NCKAP1: variants seen among roughly 807,000 people sequenced by gnomAD.
NCKAP1 encodes the protein nck-associated protein 1.
In NCKAP1, 21 loss-of-function variants were observed where a neutral mutation model predicts 151.2. That is an observed-to-expected ratio of 0.14 (90% confidence interval 0.10 to 0.20). The LOEUF is 0.20. Ranked by LOEUF, NCKAP1 falls within the 10% of genes least tolerant of loss-of-function variation. The probability of loss-of-function intolerance (pLI) is 1.00; values close to 1 mark genes in which losing one functional copy is unlikely to be tolerated. For synonymous variants in NCKAP1, 484 were observed against 451.8 expected, an observed-to-expected ratio of 1.07 and a Z score of -0.90; for missense variants, 933 against 1,352.1, an observed-to-expected ratio of 0.69 and a Z score of 4.86.
intron 9 of NCKAP1, 73 bp from the exon 10 acceptor site, chr2:182,986,300 A>G (rs964009202): frequency 5.8e-6 from 7 of 1,202,494 alleles, no homozygotes; most frequent in Non-Finnish European, 8.4e-6. Context: ...GTCTAATACT[A>G]GAAGTCAATT....
intron 8 of NCKAP1, among the ~76,000 whole-genome samples, chr2:182,993,392 C>A (rs1420047153): frequency 6.6e-6 from 1 of 152,106 alleles, no homozygotes; most frequent in Non-Finnish European, 1.5e-5. Flanking sequence ...GTTAATAAAT[C>A]AAGAACAAAA....
chr2:183,023,730 C>T, intron 2 of NCKAP1, 76 bp downstream of exon 2: 1 of 1,151,136 alleles, frequency 8.7e-7, no homozygotes, highest in Admixed American at 1.9e-5. Context: ...ATAAGAGCTA[C>T]TATAAGCACT....
In NCKAP1 at chr2:182,919,197, G is replaced by T. The variant is rs1696511351; in HGVS notation, c.*6505C>A. 1 of 152,204 alleles carries T rather than the reference G, an allele frequency of 6.6e-6. No homozygotes were observed. Among genetic ancestry groups the T allele is most frequent in the Non-Finnish European group, 1.5e-5 (1 of 68,048 alleles). 9.4% of individuals were successfully genotyped at this position (152,204 alleles called of 1,614,324 possible). On this transcript the variant is annotated 3_prime_UTR_variant, in exon 31 of 31. Coordinates refer to ENST00000361354, the MANE Select transcript of NCKAP1 (RefSeq NM_013436.5). ...TGGCTTGATAAAACCACAACTACCA[G>T]TTAAGGTCAAATTTTCCCCTCCTAG...
intron 2 of NCKAP1, among the ~76,000 whole-genome samples, chr2:183,020,464 C>CAAAAAAAAA (rs1179083096): frequency 1.3e-4 from 9 of 71,456 alleles, no homozygotes; most frequent in South Asian, 4.8e-4. Context: ...GACCGTGTCC[C>CAAAAAAAAA]AAAAAAAAAA....
chr2:183,013,227 T>TACATTCATATAA (rs1698622159), intron 2 of NCKAP1, among the ~76,000 whole-genome samples: 1 of 152,130 alleles, frequency 6.6e-6, no homozygotes, highest in African/African-American at 2.4e-5. Flanking sequence ...ACCTGAGATC[T>TACATTCATATAA]ACATTCATAT....
At chr2:182,964,908 TG>T (rs1697532805) in intron 16 of NCKAP1, 100 bp from the exon 17 acceptor site, 2 of 828,108 alleles carry the variant, frequency 2.4e-6, no homozygotes, top group Non-Finnish European at 3.6e-6. Flanking sequence ...GAATGATAAC[TG>T]GTAGCACTGA....
intron 2 of NCKAP1, among the ~76,000 whole-genome samples, chr2:183,017,057 T>C (rs1243242321): frequency 6.6e-6 from 1 of 151,912 alleles, no homozygotes; most frequent in Non-Finnish European, 1.5e-5. Context: ...GAAAAAAAGG[T>C]AGGATAATCA....
At chr2:182,969,955 T>A (rs547836586) in intron 15 of NCKAP1, among the ~76,000 whole-genome samples, 1 of 151,992 alleles carries the variant, frequency 6.6e-6, no homozygotes, top group South Asian at 2.1e-4. Context: ...ACATTACAAC[T>A]GATACCAAAA....
chr2:183,015,983 G>A (rs1426676809), intron 2 of NCKAP1, among the ~76,000 whole-genome samples: 1 of 151,992 alleles, frequency 6.6e-6, no homozygotes, highest in Non-Finnish European at 1.5e-5. Flanking sequence ...GTAAGGGGAA[G>A]TAAATTGAGC....
intron 2 of NCKAP1, among the ~76,000 whole-genome samples, chr2:183,016,056 A>G (rs1224126362): frequency 6.6e-6 from 1 of 152,182 alleles, no homozygotes; most frequent in African/African-American, 2.4e-5. Context: ...AACTGAAGTT[A>G]TAAGGGAATA....
chr2:183,012,457 T>C (rs750035486), intron 2 of NCKAP1, among the ~76,000 whole-genome samples: 1 of 152,176 alleles, frequency 6.6e-6, no homozygotes, highest in Non-Finnish European at 1.5e-5. Context: ...TTTTTGGACA[T>C]CTGTTGTTCT....
chr2:182,972,641 C>T (rs992777115), intron 15 of NCKAP1, among the ~76,000 whole-genome samples: 3 of 152,068 alleles, frequency 2.0e-5, no homozygotes, highest in Non-Finnish European at 2.9e-5. Context: ...TATTCACAAT[C>T]GTCAAGATAT....
intron 11 of NCKAP1, 73 bp downstream of exon 11, chr2:182,983,213 A>C: frequency 8.1e-7 from 1 of 1,241,478 alleles, no homozygotes. Context: ...AAATTTCAGT[A>C]AAATTTCACT....
At position 183,038,223 on chromosome 2, in the gene NCKAP1, GC is replaced by G; in HGVS notation, c.-125del. On this transcript the variant is annotated 5_prime_UTR_variant, in exon 1 of 31. The change abolishes the stop of an existing upstream ORF in the 5' untranslated region. Coordinates refer to ENST00000361354, the MANE Select transcript of NCKAP1 (RefSeq NM_013436.5). Reference sequence around the variant, plus strand: ...CGCGACCTCCGCCTTAGGAGAGCGCGCCCATGGCCCTCGCGCCCCAATCCCG... The same window carrying G: ...CGCGACCTCCGCCTTAGGAGAGCGCGCCATGGCCCTCGCGCCCCAATCCCG... 1 of 571,680 alleles carries G rather than the reference GC, an allele frequency of 1.7e-6. No individual in the cohort carries two copies. Among genetic ancestry groups the G allele is most frequent in the Non-Finnish European group, 2.8e-6 (1 of 358,384 alleles). The allele number at this position is 571,680 out of a possible 1,614,324, so 35.4% of individuals were successfully genotyped here. A position where few individuals can be genotyped will look rare whatever the true frequency, so the allele number is the denominator to read the frequency against.
At chr2:182,930,612 T>A in intron 27 of NCKAP1, 83 bp downstream of exon 27, 3 of 1,046,766 alleles carry the variant, frequency 2.9e-6, no homozygotes, top group Non-Finnish European at 4.3e-6. Context: ...GGCATTTGAA[T>A]ATATGGTTAA....
At chr2:183,026,165 A>G (rs1042167245) in intron 1 of NCKAP1, among the ~76,000 whole-genome samples, 2 of 152,214 alleles carry the variant, frequency 1.3e-5, no homozygotes, top group African/African-American at 4.8e-5. Flanking sequence ...ATTTTGTCCA[A>G]GTCCAGTGGC....
chr2:182,955,452 T>C (rs375108031), intron 20 of NCKAP1, among the ~76,000 whole-genome samples: 34 of 152,268 alleles, frequency 2.2e-4, no homozygotes, highest in East Asian at 1.5e-3. Context: ...TAAAACAATA[T>C]ATATAAAGTT....
intron 15 of NCKAP1, among the ~76,000 whole-genome samples, chr2:182,972,648 A>T (rs1215391708): frequency 6.6e-6 from 1 of 152,218 alleles, no homozygotes; most frequent in Non-Finnish European, 1.5e-5. Context: ...AATCGTCAAG[A>T]TATGGAACCC....
Position 182,914,549 on chromosome 2 carries a change from C to A in NCKAP1, c.*11153G>T, listed in dbSNP as rs1197668234. The A allele has an allele frequency of 1.3e-5, 2 of 151,996 alleles. No individual in the cohort carries two copies. Among genetic ancestry groups the A allele is most frequent in the East Asian group, 3.9e-4 (2 of 5,194 alleles). The allele number at this position is 151,996 out of a possible 1,614,324, so 9.4% of individuals were successfully genotyped here. On this transcript the variant is annotated 3_prime_UTR_variant, in exon 31 of 31. Transcript: ENST00000361354. ...CTCTAGTATGCAATTTATATGAAAC[C>A]CATTACCCACTATAACCATCTTTGA...
Sources: allele counts gnomAD v4.1 joint callset (sites outside exome capture counted in the v4.1 genomes callset), GRCh38; gene constraint gnomAD v4.1.1; transcripts MANE v1.5; gene names NCBI Gene and HGNC (gene_info 2026-07-23, HGNC 2026-07-21).